The following CRMP1 variants were observed in gnomAD, a reference collection of about 807,000 sequenced individuals.
The protein encoded by CRMP1 is collapsin response mediator protein 1.
CRMP1 carries 19 observed loss-of-function variants against 68.3 expected under a neutral mutation model. That is an observed-to-expected ratio of 0.28 (90% CI 0.19 to 0.41). The LOEUF (loss-of-function observed/expected upper bound fraction) is 0.41. CRMP1 is among the 10% of genes least tolerant of loss of function. The probability of loss-of-function intolerance (pLI) is 1.00; values close to 1 mark genes in which losing one functional copy is unlikely to be tolerated. For missense variants in CRMP1, 791 were observed against 967.4 expected (o/e 0.82, Z 2.42); for synonymous variants, 439 against 399.6 (o/e 1.10, Z -1.18).
At chr4:5,882,774 T>G (rs1348925090) in intron 1 of CRMP1, among the ~76,000 whole-genome samples, 1 of 152,198 alleles carries the variant, frequency 6.6e-6, no homozygotes, top group African/African-American at 2.4e-5. Context: ...TCCAGTGCCT[T>G]CCTATTAACC....
At chr4:5,832,306 C>T (rs1207119220) in intron 11 of CRMP1, among the ~76,000 whole-genome samples, 1 of 152,208 alleles carries the variant, frequency 6.6e-6, no homozygotes, top group Non-Finnish European at 1.5e-5. Flanking sequence ...AATGGCAACA[C>T]TTATGGTATA....
intron 1 of CRMP1, among the ~76,000 whole-genome samples, chr4:5,873,562 G>A (rs969482248): frequency 6.6e-6 from 1 of 151,832 alleles, no homozygotes; most frequent in South Asian, 2.1e-4. Flanking sequence ...AGAGTGGGGA[G>A]GTACCAGAAT....
chr4:5,828,380 C>A (rs1186714199), intron 12 of CRMP1, 109 bp downstream of exon 12: 2 of 1,459,538 alleles, frequency 1.4e-6, no homozygotes, highest in Non-Finnish European at 1.8e-6. Context: ...AACGGAGGTT[C>A]CCAGGGCGAT....
intron 12 of CRMP1, among the ~76,000 whole-genome samples, chr4:5,827,254 G>C (rs1409570576): frequency 6.6e-6 from 1 of 152,220 alleles, no homozygotes; most frequent in Admixed American, 6.5e-5. Flanking sequence ...GGGTGTGTCT[G>C]CCTCTTCAGT....
rs1399858688 is a variant in CRMP1, at chr4:5,881,594, A to G, written c.381+10995T>C. On this transcript the variant is annotated intron_variant, in intron 1 of 13. Coordinates refer to ENST00000324989, the MANE Select transcript of CRMP1 (RefSeq NM_001014809.3). The surrounding 1 kb of genome is among the most constrained non-coding windows in gnomAD (Gnocchi z 4.6). ...ATGTTCTTTTATATGCTCTCACGGC[A>G]AAGTCCTCCGGTGTTCCTCTTCCAT... Among the ~76,000 whole-genome samples the G allele has an allele frequency of 6.6e-6, 1 of 152,130 alleles. No individual in the cohort carries two copies. The highest frequency in any genetic ancestry group is 1.5e-5 in the Non-Finnish European group (1 of 68,032).
rs1711953862 is a variant in CRMP1, at chr4:5,843,596, TC to T, written c.964-436del. On this transcript the variant is annotated intron_variant, in intron 6 of 13. Coordinates refer to ENST00000324989, the MANE Select transcript of CRMP1 (RefSeq NM_001014809.3). This position sits in a 1 kb window ranked among gnomAD's most constrained non-coding sequence, Gnocchi z 4.1. The stretch of plus-strand genomic sequence containing the variant: ...AAATCAAAGATCCCGAAACTGGGAG[TC>T]CAGATCCAGAACAGCCGTCTCTGTG... 6.6e-6 allele frequency among the ~76,000 whole-genome samples: 1 copy of T among 152,024 alleles called. No individual in the cohort carries two copies. The highest frequency in any genetic ancestry group is 1.5e-5 in the Non-Finnish European group (1 of 68,010).
chr4:5,832,639 C>T (rs183203251), intron 11 of CRMP1, among the ~76,000 whole-genome samples: 43 of 152,268 alleles, frequency 2.8e-4, no homozygotes, highest in Admixed American at 2.8e-3. Context: ...ATGAAACAGA[C>T]AAAATCCTTT....
chr4:5,884,021 T>C (rs1715399353), intron 1 of CRMP1, among the ~76,000 whole-genome samples: 1 of 152,226 alleles, frequency 6.6e-6, no homozygotes, highest in Non-Finnish European at 1.5e-5. Context: ...GGAGGGTGTT[T>C]GCTTCTCTGC....
rs186117916 is a variant in CRMP1, at chr4:5,842,022, G to A, written c.1033-594C>T. Reference sequence around the variant, plus strand: ...ATGGTGAAACCCAGTCTCTATTCACGAGGTCAGGAGATCGAGACCATCCTG... The same window carrying A: ...ATGGTGAAACCCAGTCTCTATTCACAAGGTCAGGAGATCGAGACCATCCTG... On this transcript the variant is annotated intron_variant, in intron 7 of 13. Transcript: ENST00000324989. This position sits in a 1 kb window ranked among gnomAD's most constrained non-coding sequence, Gnocchi z 4.5. 5.3e-5 allele frequency among the ~76,000 whole-genome samples: 8 copies of A among 152,290 alleles called. No individual in the cohort carries two copies. Among genetic ancestry groups the A allele is most frequent in the East Asian group, 3.9e-4 (2 of 5,174 alleles).
At position 5,825,290 on chromosome 4, in the gene CRMP1, C is replaced by T; in HGVS notation, c.1969+204G>A. ...CACATCAGGTACCACCATGTTGCCC[C>T]CCTAACATGGACCCCCCTCTGCTTG... is the stretch of plus-strand genomic sequence containing the variant. On this transcript the variant is annotated intron_variant, in intron 13 of 13. Coordinates refer to ENST00000324989, the MANE Select transcript of CRMP1 (RefSeq NM_001014809.3). This position sits in a 1 kb window ranked among gnomAD's most constrained non-coding sequence, Gnocchi z 4.4. 1 of 985,218 alleles carries T rather than the reference C, an allele frequency of 1.0e-6. No individual in the cohort carries two copies. The highest frequency in any genetic ancestry group is 1.2e-6 in the Non-Finnish European group (1 of 829,914). 61.0% of individuals were successfully genotyped at this position (985,218 alleles called of 1,614,324 possible).
intron 11 of CRMP1, among the ~76,000 whole-genome samples, chr4:5,835,515 G>T (rs964645838): frequency 1.3e-5 from 2 of 152,232 alleles, no homozygotes; most frequent in Non-Finnish European, 2.9e-5. Flanking sequence ...CCACAAAACC[G>T]AGTGGGAGGT....
At chr4:5,835,090 GC>G (rs1720647679) in intron 11 of CRMP1, among the ~76,000 whole-genome samples, 1 of 152,142 alleles carries the variant, frequency 6.6e-6, no homozygotes, top group Non-Finnish European at 1.5e-5. Context: ...CAGTATGTGA[GC>G]CCATACTCCT....
In CRMP1 at chr4:5,865,327, A is replaced by G. The variant is rs1713905632; in HGVS notation, c.470+1341T>C. 6.6e-6 allele frequency among the ~76,000 whole-genome samples: 1 copy of G among 152,138 alleles called. No homozygotes were observed. ...CTGCCCTGATCCTCACCCGCCAGTAAAATGTTAAGGCCAGCCAGGCGCGAT... is the reference window on the plus strand; with the variant it reads ...CTGCCCTGATCCTCACCCGCCAGTAGAATGTTAAGGCCAGCCAGGCGCGAT... On this transcript the variant is annotated intron_variant, in intron 2 of 13. Transcript: ENST00000324989. The surrounding 1 kb of genome is among the most constrained non-coding windows in gnomAD (Gnocchi z 4.1).
chr4:5,849,505 T>C (rs755715512), intron 5 of CRMP1, 33 bp from the exon 6 acceptor site: 2 of 1,451,430 alleles, frequency 1.4e-6, no homozygotes, highest in Non-Finnish European at 9.5e-7. Context: ...TGGTGTGAGA[T>C]TTAAAAAAAA....
In CRMP1 at chr4:5,861,360, T is replaced by C; in HGVS notation, c.471-150A>G. 2 of 750,358 alleles carry C rather than the reference T, an allele frequency of 2.7e-6. No individual in the cohort carries two copies. The highest frequency in any genetic ancestry group is 2.2e-6 in the Non-Finnish European group (1 of 463,158). 46.5% of individuals were successfully genotyped at this position (750,358 alleles called of 1,614,324 possible). On this transcript the variant is annotated intron_variant, in intron 2 of 13. Transcript: ENST00000324989. This position sits in a 1 kb window ranked among gnomAD's most constrained non-coding sequence, Gnocchi z 6.0. ...ACAGAGATAACTCAGGCAGGGCACA[T>C]GCCCTCAAGGGGCTCATAGTCTAAT...
At chr4:5,857,936 C>T (rs1369382201) in intron 3 of CRMP1, among the ~76,000 whole-genome samples, 1 of 152,200 alleles carries the variant, frequency 6.6e-6, no homozygotes, top group Non-Finnish European at 1.5e-5. Flanking sequence ...TGTTTCTTTG[C>T]ACCCCCACCC....
intron 9 of CRMP1, among the ~76,000 whole-genome samples, chr4:5,837,553 A>G (rs796072268): frequency 1.1e-4 from 16 of 151,490 alleles, no homozygotes; most frequent in African/African-American, 3.6e-4. Context: ...GCTTGAACCC[A>G]GGAGGTGGAG....
In CRMP1 at chr4:5,842,424, A is replaced by C; in HGVS notation, c.1032+669T>G. ...AGCCTGGGCAACAGAGAGAGACTCC[A>C]TCTCAAAAAAAAAAAAAAAAAAAGA... On this transcript the variant is annotated intron_variant, in intron 7 of 13. Coordinates refer to ENST00000324989, the MANE Select transcript of CRMP1 (RefSeq NM_001014809.3). This position sits in a 1 kb window ranked among gnomAD's most constrained non-coding sequence, Gnocchi z 4.5. Among the ~76,000 whole-genome samples the C allele has an allele frequency of 9.3e-6, 1 of 107,862 alleles. No individual in the cohort carries two copies. The highest frequency in any genetic ancestry group is 3.1e-4 in the South Asian group (1 of 3,180). The allele number at this position is 107,862 out of a possible 152,430, so 70.8% of individuals were successfully genotyped here.
intron 1 of CRMP1, among the ~76,000 whole-genome samples, chr4:5,874,627 A>T (rs1240793403): frequency 6.6e-6 from 1 of 152,116 alleles, no homozygotes; most frequent in Non-Finnish European, 1.5e-5. Flanking sequence ...AGAGGGAGGC[A>T]ACAGACAAGA....
Sources: gnomAD v4.1 joint callset for allele counts (sites outside exome capture counted in the v4.1 genomes callset) on GRCh38, gnomAD v4.1.1 for gene constraint, Gnocchi (gnomAD v3.1) non-coding constraint, MANE v1.5 for transcripts, NCBI Gene and HGNC (gene_info 2026-07-23, HGNC 2026-07-21) for gene names.